The following CACNA1A variants were observed in gnomAD, a reference collection of about 807,000 sequenced individuals.
CACNA1A encodes the protein voltage-dependent P/Q-type calcium channel subunit alpha-1A.
Under a neutral mutation model 262.4 loss-of-function variants are expected in CACNA1A, and 57 were observed. That is an observed-to-expected ratio of 0.22 (90% CI 0.18 to 0.27). CACNA1A has a LOEUF of 0.27. Ranked by LOEUF, CACNA1A falls within the 10% of genes least tolerant of loss-of-function variation. The pLI, the probability that CACNA1A is intolerant of heterozygous loss-of-function variation, is 1.00. For synonymous variants in CACNA1A, 1,431 were observed against 1,419.3 expected (o/e 1.01, Z -0.18); for missense variants, 2,526 against 3,562.8 (o/e 0.71, Z 7.41).
At chr19:13,370,089 G>A (rs76418836) in intron 4 of CACNA1A, among the ~76,000 whole-genome samples, 3,054 of 151,580 alleles carry the variant, frequency 0.02, 84 homozygotes, top group East Asian at 0.099. Flanking sequence ...CACATAGTAA[G>A]TGCTTTTTAA....
chr19:13,416,586 CG>C, intron 3 of CACNA1A, among the ~76,000 whole-genome samples: 1 of 151,998 alleles, frequency 6.6e-6, no homozygotes, highest in South Asian at 2.1e-4. Context: ...GAGGCTGAGG[CG>C]GGTGGATCAC....
At chr19:13,231,950 C>A (rs2055679323) in intron 34 of CACNA1A, 90 bp from the exon 35 acceptor site, 2 of 1,390,658 alleles carry the variant, frequency 1.4e-6, no homozygotes, top group African/African-American at 2.9e-5. Flanking sequence ...ACGTTGAGCA[C>A]TTGGGCTCTG....
intron 6 of CACNA1A, among the ~76,000 whole-genome samples, chr19:13,356,904 G>A (rs960903562): frequency 1.3e-5 from 2 of 152,082 alleles, no homozygotes; most frequent in South Asian, 2.1e-4. Context: ...GCCTGAGCTC[G>A]GATCTGCTGC....
intron 3 of CACNA1A, among the ~76,000 whole-genome samples, chr19:13,446,473 ACT>A (rs1368888403): frequency 4.0e-5 from 5 of 125,536 alleles, no homozygotes; most frequent in Non-Finnish European, 6.3e-5. Flanking sequence ...ACAGAGTCTC[ACT>A]CTGTCATCCA....
intron 3 of CACNA1A, among the ~76,000 whole-genome samples, chr19:13,407,295 A>T (rs2060028271): frequency 6.6e-6 from 1 of 152,250 alleles, no homozygotes; most frequent in Non-Finnish European, 1.5e-5. Context: ...GTGCCGCTAC[A>T]GAGGCAAACA....
At chr19:13,477,508 T>C (rs572289603) in intron 1 of CACNA1A, among the ~76,000 whole-genome samples, 2 of 152,300 alleles carry the variant, frequency 1.3e-5, no homozygotes, top group South Asian at 2.1e-4. Flanking sequence ...GCCCATTTTA[T>C]GGAGGAGGAA....
At position 13,506,349 on chromosome 19, in the gene CACNA1A, T is replaced by C; in HGVS notation, c.-125A>G. ...GGAGCGCGGCGGCTGGAGCTACGAC[T>C]GCGGAGACGCTCCACGGCCCAGCCC... On this transcript the variant is annotated 5_prime_UTR_variant, in exon 1 of 47. Transcript: ENST00000360228. 1.2e-6 allele frequency: 1 copy of C among 857,540 alleles called. No individual in the cohort carries two copies. Among genetic ancestry groups the C allele is most frequent in the Non-Finnish European group, 1.6e-6 (1 of 612,766 alleles). 53.1% of individuals were successfully genotyped at this position (857,540 alleles called of 1,614,324 possible). A position where few individuals can be genotyped will look rare whatever the true frequency, so the allele number is the denominator to read the frequency against.
At chr19:13,333,447 T>C (rs1361177792) in intron 8 of CACNA1A, among the ~76,000 whole-genome samples, 1 of 152,006 alleles carries the variant, frequency 6.6e-6, no homozygotes, top group African/African-American at 2.4e-5. Flanking sequence ...TCTTTTTTTT[T>C]TCTCTGACAC....
chr19:13,209,797 C>T (rs2054735929), intron 44 of CACNA1A, among the ~76,000 whole-genome samples: 1 of 152,192 alleles, frequency 6.6e-6, no homozygotes, highest in Admixed American at 6.5e-5. Flanking sequence ...ACTCTCCAGT[C>T]CTGGGGGCCC....
chr19:13,488,338 C>T (rs528220055), intron 1 of CACNA1A, among the ~76,000 whole-genome samples: 4 of 151,632 alleles, frequency 2.6e-5, no homozygotes, highest in African/African-American at 9.7e-5. Flanking sequence ...ACAAATCTCT[C>T]CAGCATCTGT....
At chr19:13,287,145 A>T (rs1052066513) in intron 19 of CACNA1A, among the ~76,000 whole-genome samples, 179 bp from the exon 20 acceptor site, 1 of 152,154 alleles carries the variant, frequency 6.6e-6, no homozygotes, top group African/African-American at 2.4e-5. Context: ...TAAGGCCAGG[A>T]GTTCAAGACC....
At chr19:13,283,433 G>T in intron 21 of CACNA1A, 37 bp from the exon 22 acceptor site, 1 of 1,612,834 alleles carries the variant, frequency 6.2e-7, no homozygotes, top group South Asian at 1.1e-5. Context: ...GGTCCACTCA[G>T]ACCACAGGCT....
At chr19:13,457,015 C>T (rs377713348) in intron 1 of CACNA1A, among the ~76,000 whole-genome samples, 8 of 152,046 alleles carry the variant, frequency 5.3e-5, no homozygotes, top group South Asian at 2.1e-4. Context: ...TTTGGGAGGC[C>T]GAGGTAGGAG....
chr19:13,213,700 T>TTTTGG (rs2054899218), intron 40 of CACNA1A: 1 of 133,200 alleles, frequency 7.5e-6, no homozygotes, highest in Non-Finnish European at 1.6e-5. Flanking sequence ...TTTTTTTTTT[T>TTTTGG]GAGATAGAGT....
chr19:13,306,126 A>G (rs1042069137), intron 15 of CACNA1A, among the ~76,000 whole-genome samples: 6 of 151,682 alleles, frequency 4.0e-5, no homozygotes, highest in African/African-American at 1.5e-4. Flanking sequence ...TTCCTCTTCA[A>G]CTCCCTGTCT....
At chr19:13,382,100 A>T (rs752030769) in intron 3 of CACNA1A, among the ~76,000 whole-genome samples, 21 of 151,932 alleles carry the variant, frequency 1.4e-4, no homozygotes, top group Non-Finnish European at 2.6e-4. Context: ...GCTAAGACAA[A>T]CTCCACCCTG....
At chr19:13,463,145 T>TAA (rs112868135) in intron 1 of CACNA1A, among the ~76,000 whole-genome samples, 71 of 141,672 alleles carry the variant, frequency 5.0e-4, no homozygotes, top group East Asian at 4.1e-3. Context: ...TGCCTTTATT[T>TAA]AAAAAAAAAA....
intron 20 of CACNA1A, among the ~76,000 whole-genome samples, chr19:13,285,767 G>A (rs958576357): frequency 2.0e-5 from 3 of 151,904 alleles, no homozygotes; most frequent in African/African-American, 7.3e-5. Flanking sequence ...CTGCTTATGT[G>A]CCCACGGGCA....
At chr19:13,320,254 G>GAGAGAGAGAGAA (rs2058224469) in intron 10 of CACNA1A, among the ~76,000 whole-genome samples, 1 of 151,730 alleles carries the variant, frequency 6.6e-6, no homozygotes, top group Non-Finnish European at 1.5e-5. Flanking sequence ...GAGAGAGAGA[G>GAGAGAGAGAGAA]AGAGAGAGAG....
Sources: gnomAD v4.1 joint callset for allele counts (sites outside exome capture counted in the v4.1 genomes callset) on GRCh38, gnomAD v4.1.1 for gene constraint, MANE v1.5 for transcripts, NCBI Gene and HGNC (gene_info 2026-07-23, HGNC 2026-07-21) for gene names.